CSMD1: variants seen among roughly 807,000 people sequenced by gnomAD.
CSMD1 encodes CUB and Sushi multiple domains 1.
CSMD1 carries 213 observed loss-of-function variants against 417.5 expected under a neutral mutation model. That is an observed-to-expected ratio of 0.51 (90% confidence interval 0.46 to 0.57). The LOEUF is 0.57. Ranked by LOEUF, CSMD1 falls within the 20% of genes least tolerant of loss-of-function variation. The probability of loss-of-function intolerance (pLI) is 0.00; values close to 1 mark genes in which losing one functional copy is unlikely to be tolerated. For missense variants in CSMD1, 6,923 were observed against 4,529.7 expected (o/e 1.53, Z -15.17); for synonymous variants, 2,862 against 1,736.8 (o/e 1.65, Z -16.11).
chr8:3,922,205 C>A (rs1173046256), intron 5 of CSMD1, among the ~76,000 whole-genome samples: 2 of 152,058 alleles, frequency 1.3e-5, no homozygotes, highest in Non-Finnish European at 2.9e-5. Flanking sequence ...CTACTCTCTT[C>A]TTTTTAACCA....
chr8:3,191,621 G>C (rs1796429024), intron 33 of CSMD1, among the ~76,000 whole-genome samples: 1 of 152,108 alleles, frequency 6.6e-6, no homozygotes, highest in Non-Finnish European at 1.5e-5. Flanking sequence ...GTACTGACAG[G>C]TAAGTATCAG....
chr8:3,811,331 A>C (rs1801062658), intron 5 of CSMD1, among the ~76,000 whole-genome samples: 1 of 152,186 alleles, frequency 6.6e-6, no homozygotes, highest in African/African-American at 2.4e-5. Flanking sequence ...CTGTACCTTA[A>C]TTATGGACAA....
At chr8:4,958,243 T>A (rs1484451781) in intron 1 of CSMD1, among the ~76,000 whole-genome samples, 1 of 152,198 alleles carries the variant, frequency 6.6e-6, no homozygotes, top group Non-Finnish European at 1.5e-5. Flanking sequence ...ATATATTCAA[T>A]ATGAGATTAG....
At chr8:4,925,197 G>T (rs1036654983) in intron 1 of CSMD1, among the ~76,000 whole-genome samples, 1 of 142,824 alleles carries the variant, frequency 7.0e-6, no homozygotes, top group Non-Finnish European at 1.5e-5. Flanking sequence ...ATAAAACATG[G>T]TGAATACCAG....
At chr8:4,318,536 T>C (rs1034471572) in intron 3 of CSMD1, among the ~76,000 whole-genome samples, 13 of 152,102 alleles carry the variant, frequency 8.5e-5, no homozygotes, top group Admixed American at 5.9e-4. Context: ...TACTGATTAA[T>C]AAAGTTACGT....
intron 31 of CSMD1, among the ~76,000 whole-genome samples, chr8:3,203,920 G>C (rs534734114): frequency 6.6e-6 from 1 of 152,286 alleles, no homozygotes; most frequent in East Asian, 1.9e-4. Flanking sequence ...GTAGTGTCTG[G>C]ATTGCACATC....
At chr8:2,951,534 C>A (rs886865875) in intron 65 of CSMD1, among the ~76,000 whole-genome samples, 1 of 152,124 alleles carries the variant, frequency 6.6e-6, no homozygotes, top group African/African-American at 2.4e-5. Context: ...CAAAGCATAC[C>A]TACTTTAACA....
At chr8:3,446,821 C>T (rs1815337943) in intron 12 of CSMD1, among the ~76,000 whole-genome samples, 2 of 152,178 alleles carry the variant, frequency 1.3e-5, no homozygotes, top group Non-Finnish European at 1.5e-5. Flanking sequence ...ATGGGTGGTG[C>T]TCAAGTTATT....
At chr8:3,831,224 A>C (rs1802359155) in intron 5 of CSMD1, among the ~76,000 whole-genome samples, 1 of 152,204 alleles carries the variant, frequency 6.6e-6, no homozygotes, top group Admixed American at 6.5e-5. Context: ...TGGAAAGTTA[A>C]ATAAAAAAAA....
intron 3 of CSMD1, among the ~76,000 whole-genome samples, chr8:4,301,382 T>C (rs1797973071): frequency 2.6e-5 from 4 of 152,192 alleles, no homozygotes. Context: ...TGGTAGCCAA[T>C]GCTTTGATTC....
chr8:3,589,989 G>C (rs896068369), intron 8 of CSMD1, among the ~76,000 whole-genome samples: 4 of 152,064 alleles, frequency 2.6e-5, no homozygotes, highest in East Asian at 1.9e-4. Context: ...GAAGACATTA[G>C]AGTGTCCAAC....
At chr8:3,295,819 C>A (rs17079792) in intron 25 of CSMD1, among the ~76,000 whole-genome samples, 1 of 152,126 alleles carries the variant, frequency 6.6e-6, no homozygotes, top group African/African-American at 2.4e-5. Flanking sequence ...TCCCTGATCA[C>A]TCATAAAGTT....
chr8:3,170,580 G>T (rs1283822559), intron 37 of CSMD1, among the ~76,000 whole-genome samples: 2 of 152,164 alleles, frequency 1.3e-5, no homozygotes, highest in Admixed American at 1.3e-4. Flanking sequence ...TGCATTTTAA[G>T]TCTTTTGTTT....
chr8:3,699,882 G>GCTGCATCCCTGGGTTATATCCCATAA (rs1563286123), intron 7 of CSMD1, among the ~76,000 whole-genome samples: 5,456 of 144,234 alleles, frequency 0.038, 667 homozygotes, highest in African/African-American at 0.13. Context: ...ATATCCCATA[G>GCTGCATCCCTGGGTTATATCCCATAA]CTACATCCCT....
intron 4 of CSMD1, among the ~76,000 whole-genome samples, chr8:4,018,739 G>A (rs762710781): frequency 6.6e-6 from 1 of 152,136 alleles, no homozygotes; most frequent in African/African-American, 2.4e-5. Flanking sequence ...GAAGAGAACG[G>A]ACAGCATGTG....
At chr8:3,456,612 T>C (rs888285275) in intron 12 of CSMD1, among the ~76,000 whole-genome samples, 8 of 152,204 alleles carry the variant, frequency 5.3e-5, no homozygotes, top group African/African-American at 1.9e-4. Flanking sequence ...TCCTATCCTA[T>C]TTAGCATTGA....
chr8:3,752,676 CAAAAAAAAAAAAA>C (rs200769696), intron 6 of CSMD1, among the ~76,000 whole-genome samples: 9 of 96,986 alleles, frequency 9.3e-5, no homozygotes, highest in South Asian at 3.9e-4. Context: ...CCCCGCCTGG[CAAAAAAAAAAAAA>C]AAAAAAAAAA....
chr8:4,906,684 G>A (rs4875404), intron 1 of CSMD1, among the ~76,000 whole-genome samples: 122,441 of 151,840 alleles, frequency 0.81, 49,489 homozygotes, highest in Admixed American at 0.84. Context: ...AGTCTCCCGA[G>A]TAGCTGGGAC....
chr8:4,429,874 G>A (rs1459415205), intron 2 of CSMD1, among the ~76,000 whole-genome samples: 1 of 152,128 alleles, frequency 6.6e-6, no homozygotes, highest in Non-Finnish European at 1.5e-5. Context: ...TATGAAATGA[G>A]GGAATCCTCT....
Sources: allele counts gnomAD v4.1 joint callset (sites outside exome capture counted in the v4.1 genomes callset), GRCh38; gene constraint gnomAD v4.1.1; transcripts MANE v1.5; gene names NCBI Gene and HGNC (gene_info 2026-07-23, HGNC 2026-07-21).